ERAP1: variants seen among roughly 807,000 people sequenced by gnomAD.
ERAP1 encodes adipocyte-derived leucine aminopeptidase.
In ERAP1, 86 loss-of-function variants were observed where a neutral mutation model predicts 103.7. That is an observed-to-expected ratio of 0.83 (90% confidence interval 0.70 to 0.99). ERAP1 has a LOEUF of 0.99. Ranked by LOEUF, ERAP1 falls within the 50% of genes least tolerant of loss-of-function variation. The pLI is 0.00. For missense variants in ERAP1, 1,009 were observed against 1,128.4 expected (o/e 0.89, Z 1.52); for synonymous variants, 398 against 402.4 (o/e 0.99, Z 0.13).
the ERAP1 span, among the ~76,000 whole-genome samples, chr5:96,892,920 C>T: frequency 1.2e-4 from 18 of 152,130 alleles, no homozygotes; most frequent in Non-Finnish European, 1.6e-4. Flanking sequence ...GTTGATGATC[C>T]TGGGCACATA....
upstream of ERAP1, among the ~76,000 whole-genome samples, chr5:96,811,501 C>T (rs1779152995): frequency 6.6e-6 from 1 of 152,218 alleles, no homozygotes; most frequent in African/African-American, 2.4e-5. Context: ...GTTCAAAGGA[C>T]AGCAGGGCTG....
At chr5:96,895,210 T>C in the ERAP1 span, 1 of 1,273,492 alleles carries the variant, frequency 7.9e-7, no homozygotes, top group South Asian at 1.3e-5. Context: ...TTTTTATTTG[T>C]TTAACTTCTA....
At chr5:96,916,681 G>A in the ERAP1 span, among the ~76,000 whole-genome samples, 1 of 151,256 alleles carries the variant, frequency 6.6e-6, no homozygotes, top group Non-Finnish European at 1.5e-5. Flanking sequence ...TGTTAGCCAG[G>A]GTGGTCTCGA....
In ERAP1 at chr5:96,795,082, A is replaced by C. The variant is rs943962435; in HGVS notation, c.879T>G (p.Tyr293Ter). 6.2e-7 allele frequency: 1 copy of C among 1,614,044 alleles called. No homozygotes were observed. Among genetic ancestry groups the C allele is most frequent in the Admixed American group, 1.7e-5 (1 of 60,014 alleles). ...LDAAVTLLEF[Y>*]EDYFSIPYPL... ...GATACGGTATGCTGAAATAATCCTC[A>C]TAAAATTCTAGAAGAGTCACCGCAG... The change falls in exon 5 of 19, where the codon TAT (tyrosine) becomes TAG (stop). Residue 293 changes from tyrosine (Y) to a stop codon, truncating the protein, a stop_gained. Coordinates refer to ENST00000443439, the MANE Select transcript of ERAP1 (RefSeq NM_001040458.3). LOFTEE classifies it high-confidence loss of function.
At chr5:96,859,832 T>G in the ERAP1 span, among the ~76,000 whole-genome samples, 7,404 of 152,252 alleles carry the variant, frequency 0.049, 221 homozygotes, top group South Asian at 0.11. Flanking sequence ...GACATCAGCC[T>G]AATAACATCA....
the ERAP1 span, among the ~76,000 whole-genome samples, chr5:96,816,104 C>A: frequency 6.6e-6 from 1 of 152,082 alleles, no homozygotes; most frequent in African/African-American, 2.4e-5. Flanking sequence ...AGGGCCAGCA[C>A]TAAAAACTGG....
chr5:96,821,985 C>T, the ERAP1 span, among the ~76,000 whole-genome samples: 12 of 152,096 alleles, frequency 7.9e-5, no homozygotes, highest in Non-Finnish European at 1.8e-4. Context: ...TATTTAAAAG[C>T]AATCATGGAG....
intron 12 of ERAP1, 119 bp downstream of exon 12, chr5:96,786,350 GC>G (rs1775993340): frequency 1.4e-6 from 1 of 712,230 alleles, no homozygotes; most frequent in East Asian, 2.7e-5. Flanking sequence ...AAACCAGAAA[GC>G]ATTTTCAATC....
At chr5:96,781,300 T>A in intron 16 of ERAP1, 102 bp from the exon 17 acceptor site, 1 of 1,213,536 alleles carries the variant, frequency 8.2e-7, no homozygotes, top group Non-Finnish European at 1.2e-6. Context: ...AGTCTGCCAG[T>A]AACAAAGGTT....
intron 19 of ERAP1, chr5:96,767,983 C>T: frequency 6.2e-7 from 1 of 1,610,540 alleles, no homozygotes. Context: ...ACAGAAACCT[C>T]ACAGAACACA....
intron 18 of ERAP1, chr5:96,779,526 A>AG (rs937376421): frequency 5.3e-5 from 8 of 152,228 alleles, no homozygotes; most frequent in Admixed American, 2.0e-4. Context: ...TCATTTCCAA[A>AG]GCTCTCTCCC....
the ERAP1 span, chr5:96,892,176 T>G: frequency 9.7e-6 from 9 of 923,754 alleles, no homozygotes; most frequent in Non-Finnish European, 1.3e-5. Flanking sequence ...TAAGATATTC[T>G]TGATGTTTTC....
At chr5:96,824,910 A>T in the ERAP1 span, among the ~76,000 whole-genome samples, 2 of 152,236 alleles carry the variant, frequency 1.3e-5, no homozygotes, top group South Asian at 4.1e-4. Context: ...GCATGGTGGC[A>T]TGCATCTGTA....
the ERAP1 span, among the ~76,000 whole-genome samples, chr5:96,904,049 G>T: frequency 1.3e-5 from 2 of 152,154 alleles, no homozygotes; most frequent in African/African-American, 4.8e-5. Flanking sequence ...AATCTCTTAA[G>T]GAAAAGTACA....
chr5:96,935,377 C>A, the ERAP1 span: 1 of 152,468 alleles, frequency 6.6e-6, no homozygotes, highest in Non-Finnish European at 1.5e-5. Context: ...CTCCTCACCG[C>A]CCTCCTGAGG....
At chr5:96,879,624 A>T in the ERAP1 span, 10 of 1,356,694 alleles carry the variant, frequency 7.4e-6, no homozygotes, top group East Asian at 2.3e-4. Flanking sequence ...GAGCCAGTGC[A>T]GTGCCATGAA....
downstream of ERAP1, chr5:96,770,634 G>C (rs1326397963): frequency 5.1e-6 from 7 of 1,379,692 alleles, no homozygotes; most frequent in Admixed American, 1.7e-5. Context: ...CTACAAATTA[G>C]TTTAGCAGTT....
At chr5:96,924,067 A>T in the ERAP1 span, among the ~76,000 whole-genome samples, 11 of 152,236 alleles carry the variant, frequency 7.2e-5, no homozygotes, top group Non-Finnish European at 1.2e-4. Context: ...TGTCGGCTGT[A>T]AAGCAGCACC....
the ERAP1 span, chr5:96,912,887 CATAAG>C: frequency 9.5e-7 from 1 of 1,057,030 alleles, no homozygotes; most frequent in Non-Finnish European, 1.4e-6. Context: ...GTTTTAAAGG[CATAAG>C]ATAATTGAAT....
Sources: gnomAD v4.1 joint callset for allele counts (sites outside exome capture counted in the v4.1 genomes callset) on GRCh38, gnomAD v4.1.1 for gene constraint, MANE v1.5 for transcripts, NCBI Gene and HGNC (gene_info 2026-07-23, HGNC 2026-07-21) for gene names.